RIOK3: variants seen among roughly 807,000 people sequenced by gnomAD.
The protein encoded by RIOK3 is serine/threonine-protein kinase RIO3.
In RIOK3, 40 loss-of-function variants were observed where a neutral mutation model predicts 63.5. The observed-to-expected ratio is 0.63, with a 90% CI of 0.49 to 0.82. The LOEUF is 0.82. Ranked by LOEUF, RIOK3 falls within the 40% of genes least tolerant of loss-of-function variation. RIOK3 has a pLI of 0.00. For synonymous variants in RIOK3, 193 were observed against 205.0 expected, an observed-to-expected ratio of 0.94 and a Z score of 0.50; for missense variants, 557 against 637.0, an observed-to-expected ratio of 0.87 and a Z score of 1.35.
chr18:23,467,330 T>C, intron 6 of RIOK3, 69 bp from the exon 7 acceptor site: 9 of 1,494,284 alleles, frequency 6.0e-6, no homozygotes, highest in Non-Finnish European at 8.2e-6. Context: ...AAAAAAGTTA[T>C]TAGAAGTGGC....
At position 23,453,344 on chromosome 18, in the gene RIOK3, C is replaced by A; in HGVS notation, c.-96C>A. 9.8e-7 allele frequency: 1 copy of A among 1,019,058 alleles called. No homozygotes were observed. Among genetic ancestry groups the A allele is most frequent in the South Asian group, 1.3e-5 (1 of 77,972 alleles). The allele number at this position is 1,019,058 out of a possible 1,614,324, so 63.1% of individuals were successfully genotyped here. The stretch of plus-strand genomic sequence containing the variant: ...TCTGTCACCTCCACTCCGGCATCAG[C>A]AGCCAGTCGCCCGTGTCCCGCCTGT... On this transcript the variant is annotated 5_prime_UTR_variant, in exon 1 of 13. Coordinates refer to ENST00000339486, the MANE Select transcript of RIOK3 (RefSeq NM_003831.5).
Position 23,476,998 on chromosome 18 carries a change from C to T in RIOK3, c.1174-8C>T, listed in dbSNP as rs767355343. Reference sequence around the variant, plus strand: ...TCATTTCCTAATGTGTGCCTTCCCTCTTCACAGTTGATGCGGCAGTTATAT... The same window carrying T: ...TCATTTCCTAATGTGTGCCTTCCCTTTTCACAGTTGATGCGGCAGTTATAT... On this transcript the variant is annotated splice_polypyrimidine_tract_variant and splice_region_variant and intron_variant, in intron 9 of 12. Coordinates refer to ENST00000339486, the MANE Select transcript of RIOK3 (RefSeq NM_003831.5). 2 of 1,610,866 alleles carry T rather than the reference C, an allele frequency of 1.2e-6. No homozygotes were observed. The highest frequency in any genetic ancestry group is 1.1e-5 in the South Asian group (1 of 91,006).
At chr18:23,463,557 G>A (rs1227205179) in intron 2 of RIOK3, among the ~76,000 whole-genome samples, 3 of 152,002 alleles carry the variant, frequency 2.0e-5, no homozygotes, top group Non-Finnish European at 4.4e-5. Context: ...TTACAGGCAT[G>A]TGCTGCCACG....
chr18:23,469,903 A>T (rs1279394293), intron 7 of RIOK3, among the ~76,000 whole-genome samples: 1 of 152,184 alleles, frequency 6.6e-6, no homozygotes, highest in East Asian at 1.9e-4. Flanking sequence ...ACTCTCAAAG[A>T]GCTTAAGCTT....
intron 6 of RIOK3, among the ~76,000 whole-genome samples, chr18:23,466,687 CTTA>C (rs2057410305): frequency 4.8e-5 from 4 of 83,516 alleles, no homozygotes; most frequent in Admixed American, 1.7e-4. Flanking sequence ...GAGACCCTGC[CTTA>C]AAAAAAAAAA....
At position 23,473,558 on chromosome 18, in the gene RIOK3, C is replaced by CT; in HGVS notation, c.947dup (p.Ser317GlnfsTer2). 2 of 1,613,540 alleles carry CT rather than the reference C, an allele frequency of 1.2e-6. No homozygotes were observed. Among genetic ancestry groups the CT allele is most frequent in the South Asian group, 2.2e-5 (2 of 91,034 alleles). Reference sequence around the variant, plus strand: ...AAGATGATTTCAGGTTTAAAGATCGCTTCAGTAAACTAAATCCACGTAAGA... The same window carrying CT: ...AAGATGATTTCAGGTTTAAAGATCGCTTTCAGTAAACTAAATCCACGTAAGA... On this transcript the variant is annotated frameshift_variant, in exon 8 of 13. Transcript: ENST00000339486. LOFTEE classifies it high-confidence loss of function.
intron 12 of RIOK3, among the ~76,000 whole-genome samples, chr18:23,480,555 G>GCGCACA (rs779698307): frequency 0.012 from 1,723 of 142,074 alleles, 32 homozygotes; most frequent in African/African-American, 0.04. Flanking sequence ...TTGGATGCAC[G>GCGCACA]CACACACACA....
intron 1 of RIOK3, among the ~76,000 whole-genome samples, chr18:23,454,175 CT>C (rs1361287628): frequency 1.3e-5 from 2 of 152,210 alleles, no homozygotes; most frequent in Admixed American, 6.5e-5. Flanking sequence ...GATGAAAACA[CT>C]TTTCTGCCAC....
At chr18:23,457,299 G>A (rs2057347127) in intron 1 of RIOK3, among the ~76,000 whole-genome samples, 1 of 152,082 alleles carries the variant, frequency 6.6e-6, no homozygotes, top group Admixed American at 6.6e-5. Context: ...TCTGTTGATA[G>A]AGAGTTGTAA....
chr18:23,477,419 G>C lies in RIOK3; in HGVS notation c.1344+151G>C, dbSNP rs561086482. ...AGGACAAGGATATAAAGATCAATTT[G>C]TCATATTTCATTTTGCAAGAATTTG... On this transcript the variant is annotated intron_variant, in intron 11 of 12. Transcript: ENST00000339486. 4.5e-6 allele frequency: 3 copies of C among 663,700 alleles called. No individual in the cohort carries two copies. In the African/African-American group the frequency reaches 5.4e-5, roughly 12 times the overall value. 41.1% of individuals were successfully genotyped at this position (663,700 alleles called of 1,614,324 possible). A position where few individuals can be genotyped will look rare whatever the true frequency, so the allele number is the denominator to read the frequency against.
chr18:23,478,441 A>G (rs2057508183), intron 11 of RIOK3, among the ~76,000 whole-genome samples: 1 of 151,888 alleles, frequency 6.6e-6, no homozygotes, highest in Admixed American at 6.6e-5. Flanking sequence ...GTGGTGGAAC[A>G]TGTCTGTAGT....
At chr18:23,480,171 T>G (rs1267363186) in intron 12 of RIOK3, among the ~76,000 whole-genome samples, 1 of 152,176 alleles carries the variant, frequency 6.6e-6, no homozygotes, top group East Asian at 1.9e-4. Context: ...CTCTTAAAAT[T>G]GAACAAAATC....
At position 23,454,993 on chromosome 18, in the gene RIOK3, T is replaced by TTTCC. The variant is rs57591516; in HGVS notation, c.63+1510_63+1513dup. 3.0e-3 allele frequency among the ~76,000 whole-genome samples: 453 copies of TTTCC among 152,176 alleles called. 1 individual carries two copies. Among genetic ancestry groups the TTTCC allele is most frequent in the African/African-American group, 9.9e-3 (411 of 41,510 alleles). On this transcript the variant is annotated intron_variant, in intron 1 of 12. Transcript: ENST00000339486. ...CTCAAAACTTTTTAGTCAGGACTTC[T>TTTCC]TTCCTTCCTTCCTTCCTTCCTTTCC...
rs1207229628 is a variant in RIOK3, at chr18:23,479,423, A to C, written c.1451A>C (p.Glu484Ala). The change falls in exon 12 of 13, where the codon GAG becomes GCG. Residue 484 changes from glutamate to alanine, a missense_variant and splice_region_variant. Around this residue, in one of 3 missense-constraint regions of RIOK3, gnomAD observed 309 missense variants for 338.7 expected, o/e 0.91. Coordinates refer to ENST00000339486, the MANE Select transcript of RIOK3 (RefSeq NM_003831.5). ...TADNEADFLA[E>A]IEALEKMNED... ...GATAATGAAGCTGATTTTTTAGCTG[A>C]GGTATGTGATAAACAGCTGTTTTTC... 6.2e-7 allele frequency: 1 copy of C among 1,600,788 alleles called. No individual in the cohort carries two copies. The highest frequency in any genetic ancestry group is 1.7e-5 in the Admixed American group (1 of 59,948).
chr18:23,455,808 GT>G (rs1020509438), intron 1 of RIOK3, among the ~76,000 whole-genome samples: 22 of 148,856 alleles, frequency 1.5e-4, no homozygotes, highest in African/African-American at 5.4e-4. Flanking sequence ...TAATTTTTGG[GT>G]TTTTTTTGAG....
At chr18:23,455,275 G>A (rs1036596478) in intron 1 of RIOK3, among the ~76,000 whole-genome samples, 1 of 151,436 alleles carries the variant, frequency 6.6e-6, no homozygotes, top group African/African-American at 2.4e-5. Flanking sequence ...GGATTTCACC[G>A]TATTGGCCAG....
intron 7 of RIOK3, among the ~76,000 whole-genome samples, chr18:23,470,703 G>A (rs2057450966): frequency 6.6e-6 from 1 of 152,214 alleles, no homozygotes; most frequent in Non-Finnish European, 1.5e-5. Context: ...AGGTAGTAAA[G>A]TGGTGTAAGC....
At chr18:23,469,494 CTT>C (rs1334540352) in intron 7 of RIOK3, among the ~76,000 whole-genome samples, 1 of 131,880 alleles carries the variant, frequency 7.6e-6, no homozygotes, top group African/African-American at 2.8e-5. Context: ...TTCCTTCTTT[CTT>C]TTTTTTTTTG....
At chr18:23,455,773 A>T in intron 1 of RIOK3, among the ~76,000 whole-genome samples, 1 of 151,678 alleles carries the variant, frequency 6.6e-6, no homozygotes, top group East Asian at 1.9e-4. Context: ...TAGCTGGACT[A>T]CAGGCCAGTG....
Sources: allele counts gnomAD v4.1 joint callset (sites outside exome capture counted in the v4.1 genomes callset), GRCh38; gene constraint gnomAD v4.1.1; regional missense constraint gnomAD v4.1.1; transcripts MANE v1.5; gene names NCBI Gene and HGNC (gene_info 2026-07-23, HGNC 2026-07-21).